Variants in STON2 observed in about 807,000 individuals in gnomAD.
The protein encoded by STON2 is stonin-2.
Under a neutral mutation model 65.7 loss-of-function variants are expected in STON2, and 29 were observed. The observed-to-expected ratio is 0.44, with a 90% CI of 0.33 to 0.60. The LOEUF is 0.60. Among genes scored for constraint, STON2 ranks in the 20% least tolerant of loss-of-function variants. STON2 has a pLI of 0.03. For synonymous variants in STON2, 404 were observed against 414.2 expected (o/e 0.98, Z 0.30); for missense variants, 1,054 against 1,118.1 (o/e 0.94, Z 0.82).
chr14:81,380,582 T>A (rs185980960), intron 3 of STON2, among the ~76,000 whole-genome samples: 45 of 152,232 alleles, frequency 3.0e-4, no homozygotes, highest in South Asian at 8.3e-4. Flanking sequence ...CAGATGCTCA[T>A]CAATGGCGGA....
chr14:81,366,793 C>T (rs1160040106), intron 4 of STON2, among the ~76,000 whole-genome samples: 2 of 151,616 alleles, frequency 1.3e-5, no homozygotes, highest in East Asian at 3.9e-4. Flanking sequence ...CCTTATGCCC[C>T]ATATCAAATG....
intron 4 of STON2, chr14:81,333,071 G>T: frequency 4.0e-6 from 3 of 756,620 alleles, no homozygotes; most frequent in South Asian, 1.6e-5. Context: ...TTCTCATACA[G>T]ACCATGTCTT....
At position 81,264,923 on chromosome 14, in the gene STON2, A is replaced by G. The variant is rs749846954; in HGVS notation, c.*3491T>C. 18 of 985,280 alleles carry G rather than the reference A, an allele frequency of 1.8e-5. No individual in the cohort carries two copies. Among genetic ancestry groups the G allele is most frequent in the Non-Finnish European group, 2.0e-5 (17 of 829,940 alleles). 61.0% of individuals were successfully genotyped at this position (985,280 alleles called of 1,614,324 possible). A position where few individuals can be genotyped will look rare whatever the true frequency, so the allele number is the denominator to read the frequency against. ...AGTACATTTCTTATCTTTTTGCTGTAAAGTCAAAAAGCAGGCCCTAGACTC... is the reference window on the plus strand; with the variant it reads ...AGTACATTTCTTATCTTTTTGCTGTGAAGTCAAAAAGCAGGCCCTAGACTC... On this transcript the variant is annotated 3_prime_UTR_variant, in exon 8 of 8. Coordinates refer to ENST00000614646, the MANE Select transcript of STON2 (RefSeq NM_001394390.1).
In STON2 at chr14:81,333,272, G is replaced by A. The variant is rs527916384; in HGVS notation, c.572-9085C>T. 89 of 710,150 alleles carry A rather than the reference G, an allele frequency of 1.3e-4. 2 individuals carry two copies. The highest frequency in any genetic ancestry group is 1.1e-3 in the South Asian group (76 of 71,368). The allele number at this position is 710,150 out of a possible 1,614,324, so 44.0% of individuals were successfully genotyped here. ...TTAGGTACGGTACTGTTGCCTTCCC[G>A]GGGTGAAGGACGTCAATGACCATTT... is the stretch of plus-strand genomic sequence containing the variant. On this transcript the variant is annotated intron_variant, in intron 4 of 7. Coordinates refer to ENST00000614646, the MANE Select transcript of STON2 (RefSeq NM_001394390.1).
chr14:81,328,512 C>T (rs888691326), intron 4 of STON2, among the ~76,000 whole-genome samples: 3 of 152,192 alleles, frequency 2.0e-5, no homozygotes, highest in Non-Finnish European at 4.4e-5. Context: ...ACCAGCATTG[C>T]TATCACCTTG....
chr14:81,342,639 T>C (rs1326527021), intron 4 of STON2, among the ~76,000 whole-genome samples: 1 of 152,010 alleles, frequency 6.6e-6, no homozygotes, highest in Non-Finnish European at 1.5e-5. Context: ...TCCCCATAAG[T>C]CTAGGGGCAC....
intron 5 of STON2, among the ~76,000 whole-genome samples, chr14:81,290,656 G>A (rs1895520502): frequency 6.6e-6 from 1 of 152,112 alleles, no homozygotes; most frequent in South Asian, 2.1e-4. Context: ...CCCTACAGAT[G>A]GCCCCTTTCA....
At chr14:81,377,693 T>C (rs1322166651) in intron 3 of STON2, among the ~76,000 whole-genome samples, 3 of 152,228 alleles carry the variant, frequency 2.0e-5, no homozygotes, top group Non-Finnish European at 4.4e-5. Flanking sequence ...CCATTACTTC[T>C]TATTTCAGTT....
chr14:81,376,476 A>C (rs1256406620), intron 3 of STON2, among the ~76,000 whole-genome samples: 4 of 152,124 alleles, frequency 2.6e-5, no homozygotes, highest in African/African-American at 9.6e-5. Context: ...GTGAACCAAG[A>C]CTTAAAACCT....
chr14:81,411,947 G>C (rs994583389), intron 2 of STON2, among the ~76,000 whole-genome samples: 1 of 141,338 alleles, frequency 7.1e-6, no homozygotes, highest in South Asian at 2.3e-4. Flanking sequence ...TCAAAGACAA[G>C]AAGAAGCCAA....
chr14:81,362,274 T>C (rs975529983), intron 4 of STON2, among the ~76,000 whole-genome samples: 1 of 152,202 alleles, frequency 6.6e-6, no homozygotes, highest in East Asian at 1.9e-4. Flanking sequence ...AAATGTGGCA[T>C]ACATACACAA....
intron 3 of STON2, among the ~76,000 whole-genome samples, chr14:81,376,458 G>C (rs535337486): frequency 6.6e-6 from 1 of 152,150 alleles, no homozygotes; most frequent in Admixed American, 6.5e-5. Flanking sequence ...CAATAACCTT[G>C]AAATAAAGTG....
intron 6 of STON2, 150 bp from the exon 7 acceptor site, chr14:81,271,022 C>A: frequency 9.6e-7 from 1 of 1,045,862 alleles, no homozygotes; most frequent in Non-Finnish European, 1.3e-6. Context: ...AGGATCCGCC[C>A]GGCTCAGCAG....
chr14:81,304,685 G>A (rs943115235), intron 5 of STON2, among the ~76,000 whole-genome samples: 7 of 152,092 alleles, frequency 4.6e-5, no homozygotes, highest in African/African-American at 9.7e-5. Context: ...CCAAGATCGC[G>A]CCACTGCACT....
At chr14:81,351,400 A>G (rs1171756492) in intron 4 of STON2, among the ~76,000 whole-genome samples, 1 of 152,142 alleles carries the variant, frequency 6.6e-6, no homozygotes, top group African/African-American at 2.4e-5. Context: ...GAGCTCTCCT[A>G]TAATAAGAGG....
intron 7 of STON2, 67 bp downstream of exon 7, chr14:81,270,603 A>T (rs1236121757): frequency 6.2e-7 from 1 of 1,613,724 alleles, no homozygotes; most frequent in Non-Finnish European, 8.5e-7. Flanking sequence ...AAAAGGAATA[A>T]GAGGGGGAGG....
At chr14:81,354,937 C>T (rs1218242664) in intron 4 of STON2, among the ~76,000 whole-genome samples, 1 of 151,664 alleles carries the variant, frequency 6.6e-6, no homozygotes, top group South Asian at 2.1e-4. Flanking sequence ...TTGCTTGAAC[C>T]AGGACCTGGG....
Position 81,327,635 on chromosome 14 carries a change from T to C in STON2, c.572-3448A>G, listed in dbSNP as rs151115756. 5.4e-3 allele frequency among the ~76,000 whole-genome samples: 819 copies of C among 152,314 alleles called. 4 individuals carry two copies. Among genetic ancestry groups the C allele is most frequent in the Non-Finnish European group, 9.4e-3 (640 of 68,016 alleles). Reference sequence around the variant, plus strand: ...TTGAAAAATGATTTTCTTCCATTTCTTCCTCATTCATTAACTGGGATGCTA... The same window carrying C: ...TTGAAAAATGATTTTCTTCCATTTCCTCCTCATTCATTAACTGGGATGCTA... On this transcript the variant is annotated intron_variant, in intron 4 of 7. Coordinates refer to ENST00000614646, the MANE Select transcript of STON2 (RefSeq NM_001394390.1).
chr14:81,416,550 G>T (rs559390615), intron 2 of STON2, among the ~76,000 whole-genome samples: 21 of 152,218 alleles, frequency 1.4e-4, no homozygotes, highest in African/African-American at 5.1e-4. Flanking sequence ...TCATCTATGT[G>T]AGCCATGCCC....
Sources: allele counts gnomAD v4.1 joint callset (sites outside exome capture counted in the v4.1 genomes callset), GRCh38; gene constraint gnomAD v4.1.1; transcripts MANE v1.5; gene names NCBI Gene and HGNC (gene_info 2026-07-23, HGNC 2026-07-21).